FYN: variants seen among roughly 807,000 people sequenced by gnomAD.
FYN encodes tyrosine-protein kinase Fyn.
FYN carries 10 observed loss-of-function variants against 70.2 expected under a neutral mutation model. That is an observed-to-expected ratio of 0.14 (90% CI 0.09 to 0.24). The LOEUF is 0.24. Among genes scored for constraint, FYN ranks in the 10% least tolerant of loss-of-function variants. The pLI is 1.00. For synonymous variants in FYN, 236 were observed against 248.6 expected, an observed-to-expected ratio of 0.95 and a Z score of 0.48; for missense variants, 319 against 673.1, an observed-to-expected ratio of 0.47 and a Z score of 5.82.
intron 2 of FYN, among the ~76,000 whole-genome samples, chr6:111,812,061 A>G (rs1243224017): frequency 6.6e-6 from 1 of 152,232 alleles, no homozygotes; most frequent in Non-Finnish European, 1.5e-5. Flanking sequence ...ATGGAACTGT[A>G]GGGAACTGAA....
At chr6:111,839,725 A>G (rs1031891723) in intron 2 of FYN, among the ~76,000 whole-genome samples, 11 of 152,168 alleles carry the variant, frequency 7.2e-5, no homozygotes, top group African/African-American at 2.7e-4. Context: ...TTGGACTAGG[A>G]AAAAAGGATT....
chr6:111,748,312 G>C (rs1307124532), intron 3 of FYN, among the ~76,000 whole-genome samples: 2 of 152,182 alleles, frequency 1.3e-5, no homozygotes, highest in Admixed American at 1.3e-4. Flanking sequence ...CAGCTGGTAA[G>C]GGAACTTTTG....
intron 12 of FYN, among the ~76,000 whole-genome samples, chr6:111,690,917 A>G (rs999859041): frequency 6.6e-6 from 1 of 152,154 alleles, no homozygotes; most frequent in Admixed American, 6.5e-5. Flanking sequence ...AGGCTTCTTG[A>G]TATCAGTAGC....
chr6:111,777,658 A>T (rs978183399), intron 3 of FYN, among the ~76,000 whole-genome samples: 2 of 152,146 alleles, frequency 1.3e-5, no homozygotes, highest in African/African-American at 4.8e-5. Flanking sequence ...CCAGTTGAAA[A>T]CCACTGCTCT....
In FYN at chr6:111,722,901, T is replaced by A. The variant is rs185003741; in HGVS notation, c.-11-2839A>T. Among the ~76,000 whole-genome samples the A allele has an allele frequency of 8.5e-5, 13 of 152,352 alleles. No homozygotes were observed. In the East Asian group the frequency reaches 2.5e-3, roughly 29 times the overall value. On this transcript the variant is annotated intron_variant, in intron 3 of 13. Transcript: ENST00000354650. The stretch of plus-strand genomic sequence containing the variant: ...TCTTTGAAGCAGTTTAACAGCTGTT[T>A]CCCTTACATGGATGTGATTAACATG...
Position 111,810,410 on chromosome 6 carries a change from T to C in FYN, c.-81-29775A>G, listed in dbSNP as rs72942194. On this transcript the variant is annotated intron_variant, in intron 2 of 13. Transcript: ENST00000354650. ...TCATGGGATGTGAATCCACTTGATG[T>C]CGGTCTGGTAAAAATACTGAATATT... Among the ~76,000 whole-genome samples the C allele has an allele frequency of 7.1e-3, 1,074 of 152,282 alleles. 7 individuals are homozygous for C. Among genetic ancestry groups the C allele is most frequent in the Non-Finnish European group, 0.012 (849 of 68,008 alleles).
At chr6:111,672,749 T>A (rs373689833) in intron 13 of FYN, among the ~76,000 whole-genome samples, 1 of 152,344 alleles carries the variant, frequency 6.6e-6, no homozygotes, top group South Asian at 2.1e-4. Context: ...AGGGTCTTAT[T>A]TGCACTATCT....
intron 2 of FYN, among the ~76,000 whole-genome samples, chr6:111,787,501 T>C (rs967845271): frequency 1.3e-4 from 20 of 152,230 alleles, no homozygotes; most frequent in African/African-American, 4.6e-4. Context: ...GGTAGCGTGA[T>C]GCCTCCAGGC....
At chr6:111,743,921 G>C (rs1802093918) in intron 3 of FYN, among the ~76,000 whole-genome samples, 1 of 152,156 alleles carries the variant, frequency 6.6e-6, no homozygotes, top group Non-Finnish European at 1.5e-5. Flanking sequence ...GAAAAAAAGT[G>C]GCCTGAAAGA....
At chr6:111,714,698 T>G (rs1257109081) in intron 4 of FYN, among the ~76,000 whole-genome samples, 1 of 152,188 alleles carries the variant, frequency 6.6e-6, no homozygotes, top group South Asian at 2.1e-4. Flanking sequence ...TAGCTTTTAA[T>G]GAGGGCTGAG....
chr6:111,720,024 C>T lies in FYN; in HGVS notation c.28G>A (p.Glu10Lys). The change falls in exon 4 of 14, where the codon GAA (glutamate) becomes AAA (lysine). Residue 10 changes from glutamate to lysine, a missense_variant. This residue lies in a region of FYN where 128 missense variants were observed against 183.9 expected (regional missense o/e 0.70). Coordinates refer to ENST00000354650, the MANE Select transcript of FYN (RefSeq NM_002037.5). MGCVQCKDK[E>K]ATKLTEERDG... ...CTCTCCTCCGTCAGTTTTGTTGCTT[C>T]TTTATCCTTACATTGCACACAGCCC... is the stretch of plus-strand genomic sequence containing the variant. 6.2e-7 allele frequency: 1 copy of T among 1,611,640 alleles called. No homozygotes were observed. Among genetic ancestry groups the T allele is most frequent in the Non-Finnish European group, 8.5e-7 (1 of 1,178,060 alleles).
At position 111,717,252 on chromosome 6, in the gene FYN, ATTTCT is replaced by A. The variant is rs1800691787; in HGVS notation, c.247+2548_247+2552del. 2.6e-5 allele frequency among the ~76,000 whole-genome samples: 4 copies of A among 152,006 alleles called. No homozygotes were observed. In the South Asian group the frequency reaches 6.2e-4, roughly 24 times the overall value. On this transcript the variant is annotated intron_variant, in intron 4 of 13. Transcript: ENST00000354650. ...ATCAGACTGTTAGCTTTTCTGTTTT[ATTTCT>A]TTTAAGAACCTCTGAATAAAAAACA... is the stretch of plus-strand genomic sequence containing the variant.
At chr6:111,836,468 A>G (rs1293617832) in intron 2 of FYN, among the ~76,000 whole-genome samples, 1 of 152,146 alleles carries the variant, frequency 6.6e-6, no homozygotes, top group African/African-American at 2.4e-5. Flanking sequence ...AACAACAACA[A>G]CAAAACAAAT....
intron 12 of FYN, among the ~76,000 whole-genome samples, chr6:111,685,307 C>A (rs1317790734): frequency 6.6e-6 from 1 of 152,216 alleles, no homozygotes; most frequent in African/African-American, 2.4e-5. Context: ...ATGGGCAGCA[C>A]TGGGTTTGGG....
chr6:111,813,851 A>C (rs1772402427), intron 2 of FYN: 1 of 152,156 alleles, frequency 6.6e-6, no homozygotes, highest in African/African-American at 2.4e-5. Flanking sequence ...GTGAGTTGAA[A>C]CTTGCAAGTG....
At chr6:111,815,807 C>A (rs1041178066) in intron 2 of FYN, among the ~76,000 whole-genome samples, 1 of 151,692 alleles carries the variant, frequency 6.6e-6, no homozygotes, top group African/African-American at 2.4e-5. Flanking sequence ...CAGCCTCAAC[C>A]TGGGTTTCAA....
Position 111,701,601 on chromosome 6 carries a change from C to A in FYN, c.697+1284G>T, listed in dbSNP as rs548094932. Among the ~76,000 whole-genome samples, 11 of 151,910 alleles carry A rather than the reference C, an allele frequency of 7.2e-5. No homozygotes were observed. In the East Asian group the frequency reaches 2.1e-3, roughly 29 times the overall value. ...AAAAAAAGTGTCTATTGTTCATATC[C>A]CCTCTTTCCTTCCAGCTTTACAATG... On this transcript the variant is annotated intron_variant, in intron 8 of 13. Transcript: ENST00000354650.
At chr6:111,840,150 A>G (rs887889483) in intron 2 of FYN, among the ~76,000 whole-genome samples, 10 of 152,232 alleles carry the variant, frequency 6.6e-5, no homozygotes, top group Admixed American at 3.3e-4. Context: ...ATGTTTCGAT[A>G]AATGAAAATT....
At chr6:111,691,015 G>A (rs1018399975) in intron 12 of FYN, among the ~76,000 whole-genome samples, 7 of 152,226 alleles carry the variant, frequency 4.6e-5, no homozygotes, top group South Asian at 2.1e-4. Flanking sequence ...ATTTAGCAAA[G>A]TGTTTGTAAC....
Sources: allele counts gnomAD v4.1 joint callset (sites outside exome capture counted in the v4.1 genomes callset), GRCh38; gene constraint gnomAD v4.1.1; regional missense constraint gnomAD v4.1.1; transcripts MANE v1.5; gene names NCBI Gene and HGNC (gene_info 2026-07-23, HGNC 2026-07-21).